Variants in AGBL1 observed in about 807,000 individuals in gnomAD.
AGBL1 encodes cytosolic carboxypeptidase 4.
In AGBL1, 130 loss-of-function variants were observed where a neutral mutation model predicts 118.9. The ratio of observed to expected loss-of-function variants is 1.09; its 90% CI spans 0.95 to 1.26. The LOEUF is 1.26. AGBL1 is among the 50% of genes most tolerant of loss of function. AGBL1 has a pLI of 0.00. For synonymous variants in AGBL1, 555 were observed against 478.9 expected (o/e 1.16, Z -2.08); for missense variants, 1,584 against 1,298.1 (o/e 1.22, Z -3.38).
chr15:86,561,745 A>C lies in AGBL1; in HGVS notation c.2994+7208A>C, dbSNP rs141976101. Among the ~76,000 whole-genome samples, 88 of 152,318 alleles carry C rather than the reference A, an allele frequency of 5.8e-4. No homozygotes were observed. In the East Asian group the frequency reaches 0.014, roughly 25 times the overall value. Reference sequence around the variant, plus strand: ...ATTGAATCTATAAGTTACCTTGGGCAATATGGCCATTTTCATGACATTGAT... The same window carrying C: ...ATTGAATCTATAAGTTACCTTGGGCCATATGGCCATTTTCATGACATTGAT... On this transcript the variant is annotated intron_variant, in intron 21 of 22. Coordinates refer to ENST00000614907, the MANE Select transcript of AGBL1 (RefSeq NM_001386094.1).
At position 86,925,204 on chromosome 15, in the gene AGBL1, AG is replaced by A. The variant is rs1158652513; in HGVS notation, c.3222-62782del. Among the ~76,000 whole-genome samples the A allele has an allele frequency of 3.2e-3, 434 of 137,248 alleles. 5 individuals are homozygous for A. Among genetic ancestry groups the A allele is most frequent in the African/African-American group, 0.01 (400 of 38,662 alleles). 90.0% of individuals were successfully genotyped at this position (137,248 alleles called of 152,430 possible). A position where few individuals can be genotyped will look rare whatever the true frequency, so the allele number is the denominator to read the frequency against. On this transcript the variant is annotated intron_variant, in intron 23 of 24. Coordinates refer to the AGBL1 transcript ENST00000441037. ...GGAAGAGGAAGAAAAGAAGAAAAGA[AG>A]AAGAAAAGAAGAAGAAAGAAGAACC...
intron 23 of AGBL1, among the ~76,000 whole-genome samples, chr15:86,976,492 T>C (rs1291186884): frequency 6.6e-6 from 1 of 152,036 alleles, no homozygotes; most frequent in East Asian, 1.9e-4. Context: ...AAATATTTTA[T>C]TATAAACACG....
intron 21 of AGBL1, among the ~76,000 whole-genome samples, chr15:86,560,599 C>A (rs1489464599): frequency 6.6e-6 from 1 of 152,120 alleles, no homozygotes; most frequent in Non-Finnish European, 1.5e-5. Flanking sequence ...ACAATAAACA[C>A]ACATGTGCAT....
At chr15:86,499,500 T>A (rs148226818) in intron 18 of AGBL1, among the ~76,000 whole-genome samples, 4 of 151,946 alleles carry the variant, frequency 2.6e-5, no homozygotes, top group African/African-American at 9.6e-5. Flanking sequence ...AAGAATCAAA[T>A]CTGTGGAAAG....
rs959923389 is a variant in AGBL1, at chr15:86,330,132, C to T, written c.2374+34724C>T. ...TGGCCCTGCCCACTGTGGCTGCTGC[C>T]TCCCTGGGAGCTGAGCAGGGAGTTC... On this transcript the variant is annotated intron_variant, in intron 17 of 22. Transcript: ENST00000614907. Among the ~76,000 whole-genome samples the T allele has an allele frequency of 2.0e-5, 3 of 152,314 alleles. 1 individual carries two copies. Among genetic ancestry groups the T allele is most frequent in the Admixed American group, 2.0e-4 (3 of 15,296 alleles).
At chr15:86,279,554 T>G in intron 15 of AGBL1, 85 bp from the exon 16 acceptor site, 1 of 1,351,778 alleles carries the variant, frequency 7.4e-7, no homozygotes, top group Non-Finnish European at 1.0e-6. Flanking sequence ...ACGCACAAGA[T>G]TTATAGCATC....
At chr15:87,007,464 C>G (rs1455827886) in intron 24 of AGBL1, among the ~76,000 whole-genome samples, 1 of 152,118 alleles carries the variant, frequency 6.6e-6, no homozygotes, top group Non-Finnish European at 1.5e-5. Context: ...ATTGATATCA[C>G]CAGTTCAATA....
At chr15:86,786,271 A>G (rs1022460760) in intron 22 of AGBL1, among the ~76,000 whole-genome samples, 1 of 151,730 alleles carries the variant, frequency 6.6e-6, no homozygotes, top group Non-Finnish European at 1.5e-5. Flanking sequence ...CCGACCCCAC[A>G]ACAGTCCCTA....
chr15:86,775,923 A>G (rs2078249496), intron 22 of AGBL1, among the ~76,000 whole-genome samples: 1 of 152,130 alleles, frequency 6.6e-6, no homozygotes, highest in African/African-American at 2.4e-5. Flanking sequence ...CATCTTAGAG[A>G]AAAGAATCAC....
chr15:86,281,859 T>C (rs2079360662), intron 16 of AGBL1, among the ~76,000 whole-genome samples: 1 of 152,216 alleles, frequency 6.6e-6, no homozygotes, highest in Non-Finnish European at 1.5e-5. Context: ...CATTGTGTGA[T>C]GATACAGACA....
At chr15:86,842,829 T>C (rs2079264197) in intron 22 of AGBL1, among the ~76,000 whole-genome samples, 1 of 152,180 alleles carries the variant, frequency 6.6e-6, no homozygotes, top group Non-Finnish European at 1.5e-5. Flanking sequence ...ATTAGACCTG[T>C]TGGATTAGTG....
At chr15:86,161,719 G>C (rs1395481881) in intron 5 of AGBL1, among the ~76,000 whole-genome samples, 4 of 152,084 alleles carry the variant, frequency 2.6e-5, no homozygotes, top group Non-Finnish European at 4.4e-5. Flanking sequence ...TATTCCCTCT[G>C]CTTTTGAATT....
chr15:86,993,075 TAAA>T (rs1381954528), intron 24 of AGBL1, among the ~76,000 whole-genome samples: 1 of 152,168 alleles, frequency 6.6e-6, no homozygotes, highest in East Asian at 1.9e-4. Context: ...TATCCTAAAA[TAAA>T]AAGTAAAGTG....
At chr15:87,009,150 C>T (rs59390951) in intron 24 of AGBL1, among the ~76,000 whole-genome samples, 1 of 152,048 alleles carries the variant, frequency 6.6e-6, no homozygotes, top group African/African-American at 2.4e-5. Context: ...CCTCCCATCA[C>T]AGGTGCAGAG....
chr15:86,467,292 C>G (rs28783782), intron 18 of AGBL1, among the ~76,000 whole-genome samples: 11,659 of 152,242 alleles, frequency 0.077, 1,112 homozygotes, highest in African/African-American at 0.23. Context: ...ACTGCCTACT[C>G]AAGCCTCAGC....
intron 17 of AGBL1, among the ~76,000 whole-genome samples, chr15:86,346,247 C>T (rs1390421851): frequency 6.6e-6 from 1 of 152,176 alleles, no homozygotes; most frequent in Non-Finnish European, 1.5e-5. Flanking sequence ...TCCCAAAGTG[C>T]TGGGATTATA....
intron 6 of AGBL1, among the ~76,000 whole-genome samples, chr15:86,236,200 A>G (rs1395897246): frequency 4.6e-5 from 7 of 152,286 alleles, no homozygotes; most frequent in African/African-American, 1.7e-4. Flanking sequence ...GAAGTTAGAG[A>G]CGCTGCTCAG....
In AGBL1 at chr15:86,270,075, C is replaced by T. The variant is rs780587634; in HGVS notation, c.1987+8C>T. The T allele has an allele frequency of 4.5e-5, 72 of 1,607,252 alleles. 1 individual carries two copies. Among genetic ancestry groups the T allele is most frequent in the East Asian group, 2.0e-4 (9 of 44,692 alleles). On this transcript the variant is annotated splice_region_variant and intron_variant, in intron 14 of 22. Coordinates refer to ENST00000614907, the MANE Select transcript of AGBL1 (RefSeq NM_001386094.1). ...ACAGCCAGTTTAATTATGGTATGAA[C>T]GCTTGGGGAGCAGGGGCTTTCTGGA... is the stretch of plus-strand genomic sequence containing the variant.
At chr15:86,731,770 G>T (rs1192124468) in intron 22 of AGBL1, among the ~76,000 whole-genome samples, 1 of 152,186 alleles carries the variant, frequency 6.6e-6, no homozygotes, top group Non-Finnish European at 1.5e-5. Flanking sequence ...TTTTACAGAT[G>T]TCTTGAAGTA....
Sources: gnomAD v4.1 joint callset for allele counts (sites outside exome capture counted in the v4.1 genomes callset) on GRCh38, gnomAD v4.1.1 for gene constraint, MANE v1.5 for transcripts, NCBI Gene and HGNC (gene_info 2026-07-23, HGNC 2026-07-21) for gene names.